Variants in ALPK2 observed in about 807,000 individuals in gnomAD.
The protein encoded by ALPK2 is alpha kinase 2.
Under a neutral mutation model 163.1 loss-of-function variants are expected in ALPK2, and 127 were observed. The observed-to-expected ratio is 0.78, with a 90% CI of 0.67 to 0.90. ALPK2 has a LOEUF of 0.90. ALPK2 is among the 40% of genes least tolerant of loss of function. The probability of loss-of-function intolerance (pLI) is 0.00; values close to 1 mark genes in which losing one functional copy is unlikely to be tolerated. For missense variants in ALPK2, 2,360 were observed against 2,589.6 expected, an observed-to-expected ratio of 0.91 and a Z score of 1.92; for synonymous variants, 953 against 959.1, an observed-to-expected ratio of 0.99 and a Z score of 0.12.
chr18:58,525,298 A>G (rs576053229), intron 6 of ALPK2, among the ~76,000 whole-genome samples: 10 of 152,166 alleles, frequency 6.6e-5, no homozygotes, highest in Non-Finnish European at 1.5e-4. Context: ...ATCCCACTGT[A>G]TGGTTAAAAC....
At chr18:58,489,163 T>C (rs912946879) in intron 12 of ALPK2, among the ~76,000 whole-genome samples, 3 of 151,884 alleles carry the variant, frequency 2.0e-5, no homozygotes, top group Admixed American at 6.6e-5. Flanking sequence ...TGGTTTGGGG[T>C]TTATCTGGCA....
At chr18:58,547,330 G>A (rs2051722687) in intron 4 of ALPK2, among the ~76,000 whole-genome samples, 1 of 152,186 alleles carries the variant, frequency 6.6e-6, no homozygotes, top group Non-Finnish European at 1.5e-5. Context: ...TAGGTAGACC[G>A]ATTGAAGATT....
chr18:58,530,505 C>T (rs1327315295), intron 5 of ALPK2, among the ~76,000 whole-genome samples: 1 of 152,254 alleles, frequency 6.6e-6, no homozygotes, highest in Non-Finnish European at 1.5e-5. Context: ...CCCACCTCCT[C>T]ATCTGGGCCA....
chr18:58,625,816 G>T (rs2052226842), intron 1 of ALPK2, among the ~76,000 whole-genome samples: 1 of 152,202 alleles, frequency 6.6e-6, no homozygotes, highest in Non-Finnish European at 1.5e-5. Flanking sequence ...TCTCGGAATT[G>T]AGCTTCTCTT....
At chr18:58,521,413 A>C (rs1343573469) in intron 8 of ALPK2, among the ~76,000 whole-genome samples, 2 of 152,184 alleles carry the variant, frequency 1.3e-5, no homozygotes, top group Non-Finnish European at 2.9e-5. Context: ...CTGAAGTATT[A>C]GGAGTAAGGG....
intron 1 of ALPK2, among the ~76,000 whole-genome samples, chr18:58,620,921 C>T (rs753679662): frequency 6.6e-6 from 1 of 152,030 alleles, no homozygotes; most frequent in Non-Finnish European, 1.5e-5. Flanking sequence ...TTTGGGAGGC[C>T]GAGGTGGGTG....
intron 4 of ALPK2, among the ~76,000 whole-genome samples, chr18:58,560,494 A>G (rs2051820351): frequency 6.6e-6 from 1 of 152,206 alleles, no homozygotes; most frequent in South Asian, 2.1e-4. Flanking sequence ...GCACAGTAGC[A>G]TCTTCAAATC....
intron 1 of ALPK2, among the ~76,000 whole-genome samples, chr18:58,617,029 G>A (rs559270374): frequency 1.3e-5 from 2 of 152,250 alleles, no homozygotes; most frequent in South Asian, 2.1e-4. Context: ...GCAGCTTGGC[G>A]TATGGGGTAA....
rs2051313389 is a variant in ALPK2 at position 58,481,897 on chromosome 18, T to C, written c.6439A>G (p.Lys2147Glu). The C allele has an allele frequency of 1.2e-6, 2 of 1,614,212 alleles. No individual in the cohort carries two copies. The highest frequency in any genetic ancestry group is 1.7e-6 in the Non-Finnish European group (2 of 1,180,046). ...ATAGAGTTTGTTTGAACTTTGCTTTTCCCAATGCTCGGCTGCTTCTGTTTC... is the reference window on the plus strand; with the variant it reads ...ATAGAGTTTGTTTGAACTTTGCTTTCCCCAATGCTCGGCTGCTTCTGTTTC... ...NQKQKQPSIG[K>E]SKVQTNSMTI... Residue 2147 changes from lysine (K) to glutamate (E), a missense_variant, in exon 13 of 13, where the codon AAA becomes GAA. By Grantham distance (56) the Lys-to-Glu change is moderately conservative (BLOSUM62 1). Transcript: ENST00000361673.
intron 3 of ALPK2, among the ~76,000 whole-genome samples, chr18:58,591,334 A>G (rs535339575): frequency 1.3e-5 from 2 of 152,354 alleles, no homozygotes; most frequent in Admixed American, 1.3e-4. Context: ...GGCCAAAAAA[A>G]TGGTAGGAAA....
intron 4 of ALPK2, among the ~76,000 whole-genome samples, chr18:58,571,143 T>G (rs975324525): frequency 2.0e-5 from 3 of 152,060 alleles, no homozygotes; most frequent in Admixed American, 6.6e-5. Flanking sequence ...TACCTCAGCC[T>G]CCCAAGTAGC....
chr18:58,482,178 A>T (rs1292990719), intron 12 of ALPK2, 139 bp from the exon 13 acceptor site: 1 of 662,226 alleles, frequency 1.5e-6, no homozygotes, highest in Non-Finnish European at 2.6e-6. Context: ...TGGCTGCAGG[A>T]TAGACACAAC....
intron 3 of ALPK2, among the ~76,000 whole-genome samples, chr18:58,595,932 G>A (rs923982648): frequency 6.6e-6 from 1 of 152,104 alleles, no homozygotes; most frequent in African/African-American, 2.4e-5. Context: ...GCAACATCTT[G>A]AAGTCACTTC....
chr18:58,546,319 C>T (rs1475636207), intron 4 of ALPK2, among the ~76,000 whole-genome samples: 2 of 152,130 alleles, frequency 1.3e-5, no homozygotes, highest in East Asian at 1.9e-4. Context: ...TTGTAAAATA[C>T]TGATTTGATC....
intron 3 of ALPK2, among the ~76,000 whole-genome samples, chr18:58,590,158 T>C (rs2144208967): frequency 6.6e-6 from 1 of 150,516 alleles, no homozygotes; most frequent in African/African-American, 2.4e-5. Context: ...GGGCGGAGAT[T>C]GCAGTGAGCT....
chr18:58,493,844 A>T (rs1164033425), intron 12 of ALPK2, among the ~76,000 whole-genome samples: 1 of 152,106 alleles, frequency 6.6e-6, no homozygotes, highest in Non-Finnish European at 1.5e-5. Flanking sequence ...GTCCATATTA[A>T]TCTTATTTTG....
At chr18:58,527,518 A>C (rs1223655529) in intron 6 of ALPK2, among the ~76,000 whole-genome samples, 1 of 152,232 alleles carries the variant, frequency 6.6e-6, no homozygotes, top group Non-Finnish European at 1.5e-5. Flanking sequence ...GTTTATCGTA[A>C]ATACACATCA....
chr18:58,577,054 A>G (rs1230983713), intron 4 of ALPK2, among the ~76,000 whole-genome samples: 4 of 152,166 alleles, frequency 2.6e-5, no homozygotes. Flanking sequence ...ATAGTGATGA[A>G]TGTGTGTGTG....
In ALPK2 at chr18:58,514,877, C is replaced by G. The variant is rs2051512930; in HGVS notation, c.6029+116G>C. ...AGCAGCCGTGTGAGCCCTCATGGAG[C>G]TTACAGACTGAGAGATCAGCTGAAA... is the stretch of plus-strand genomic sequence containing the variant. On this transcript the variant is annotated intron_variant, in intron 10 of 12. Coordinates refer to ENST00000361673, the MANE Select transcript of ALPK2 (RefSeq NM_052947.4). 1.7e-5 allele frequency: 10 copies of G among 603,760 alleles called. No individual in the cohort carries two copies. In the East Asian group the frequency reaches 3.2e-4, roughly 19 times the overall value. The allele number at this position is 603,760 out of a possible 1,614,324, so 37.4% of individuals were successfully genotyped here.
Sources: gnomAD v4.1 joint callset for allele counts (sites outside exome capture counted in the v4.1 genomes callset) on GRCh38, gnomAD v4.1.1 for gene constraint, MANE v1.5 for transcripts, NCBI Gene and HGNC (gene_info 2026-07-23, HGNC 2026-07-21) for gene names.